TANC2: variants seen among roughly 807,000 people sequenced by gnomAD.
TANC2 encodes the protein tetratricopeptide repeat, ankyrin repeat and coiled-coil containing 2, also known as protein TANC2.
Under a neutral mutation model 210.5 loss-of-function variants are expected in TANC2, and 26 were observed. The ratio of observed to expected loss-of-function variants is 0.12; its 90% CI spans 0.09 to 0.17. The LOEUF is 0.17. Among genes scored for constraint, TANC2 ranks in the 10% least tolerant of loss-of-function variants. The pLI is 1.00. For missense variants in TANC2, 2,129 were observed against 2,608.9 expected, an observed-to-expected ratio of 0.82 and a Z score of 4.01; for synonymous variants, 931 against 967.1, an observed-to-expected ratio of 0.96 and a Z score of 0.69.
At chr17:63,214,482 T>C (rs560894487) in intron 7 of TANC2, among the ~76,000 whole-genome samples, 21 of 152,314 alleles carry the variant, frequency 1.4e-4, no homozygotes, top group Admixed American at 9.8e-4. Flanking sequence ...CAAATTATTT[T>C]AGCTTGGGTA....
At chr17:63,102,179 C>T (rs180839442) in intron 4 of TANC2, among the ~76,000 whole-genome samples, 94 of 152,094 alleles carry the variant, frequency 6.2e-4, no homozygotes, top group African/African-American at 2.1e-3. Flanking sequence ...CATGGCATGC[C>T]ACCCATATGT....
intron 5 of TANC2, among the ~76,000 whole-genome samples, chr17:63,165,103 C>T (rs1187962702): frequency 1.3e-5 from 2 of 151,746 alleles, no homozygotes. Flanking sequence ...GGCAACATAC[C>T]GAGACCCACC....
At chr17:63,164,585 T>C (rs1251791700) in intron 5 of TANC2, among the ~76,000 whole-genome samples, 1 of 152,128 alleles carries the variant, frequency 6.6e-6, no homozygotes, top group East Asian at 1.9e-4. Context: ...CAGGCAATTA[T>C]GAAGGCCATA....
chr17:63,084,235 G>A (rs1419956308), intron 3 of TANC2, among the ~76,000 whole-genome samples: 1 of 152,020 alleles, frequency 6.6e-6, no homozygotes, highest in African/African-American at 2.4e-5. Flanking sequence ...CAAGGAATTG[G>A]TCATTTTATC....
intron 4 of TANC2, among the ~76,000 whole-genome samples, chr17:63,123,683 C>CTTTT (rs957485298): frequency 7.2e-4 from 68 of 93,896 alleles, no homozygotes; most frequent in African/African-American, 1.3e-3. Context: ...TAGGTAAAAT[C>CTTTT]TTTTTTTTTT....
At chr17:63,132,860 T>G (rs1428219871) in intron 4 of TANC2, among the ~76,000 whole-genome samples, 1 of 152,188 alleles carries the variant, frequency 6.6e-6, no homozygotes, top group Non-Finnish European at 1.5e-5. Flanking sequence ...AATGCCTCAA[T>G]AGTCATTTTA....
rs1332629267 is a variant in TANC2, at chr17:62,966,586, G to A, written c.-187G>A. Among the ~76,000 whole-genome samples, 5 of 151,358 alleles carry A rather than the reference G, an allele frequency of 3.3e-5. No individual in the cohort carries two copies. The highest frequency in any genetic ancestry group is 2.1e-4 in the South Asian group (1 of 4,826). ...CGCGGGCTGCGCTCGCCGGCTGCGA[G>A]GCCCCGCCGCGCCGTTCCGGGGTGC... On this transcript the variant is annotated 5_prime_UTR_variant, in exon 1 of 28. Coordinates refer to ENST00000689528, the Ensembl canonical transcript of TANC2. The surrounding 1 kb of genome is among the most constrained non-coding windows in gnomAD (Gnocchi z 5.1).
intron 5 of TANC2, among the ~76,000 whole-genome samples, chr17:63,183,138 T>A (rs2040848661): frequency 6.6e-6 from 1 of 152,246 alleles, no homozygotes; most frequent in Non-Finnish European, 1.5e-5. Context: ...AATATACTCT[T>A]AGTTGAACCT....
At chr17:63,324,230 A>G (rs1429230760) in intron 11 of TANC2, among the ~76,000 whole-genome samples, 3 of 152,210 alleles carry the variant, frequency 2.0e-5, no homozygotes, top group African/African-American at 7.2e-5. Context: ...GAAAACAGCT[A>G]ATTTTAGGAA....
intron 2 of TANC2, among the ~76,000 whole-genome samples, chr17:63,027,595 A>G (rs2034605866): frequency 6.6e-6 from 1 of 152,082 alleles, no homozygotes; most frequent in Admixed American, 6.6e-5. Flanking sequence ...AGTCTATACC[A>G]TCTCATGGTC....
chr17:63,198,466 G>A (rs2041419422), intron 6 of TANC2, among the ~76,000 whole-genome samples: 1 of 152,132 alleles, frequency 6.6e-6, no homozygotes, highest in Non-Finnish European at 1.5e-5. Flanking sequence ...AAAGTGCTGG[G>A]ATTACAGACA....
intron 1 of TANC2, among the ~76,000 whole-genome samples, chr17:63,009,257 T>C (rs1290715954): frequency 6.6e-6 from 1 of 152,046 alleles, no homozygotes; most frequent in Non-Finnish European, 1.5e-5. Flanking sequence ...TTTTCTTTTT[T>C]CTTTTTAAAT....
At chr17:63,347,531 T>C (rs2046452366) in intron 12 of TANC2, among the ~76,000 whole-genome samples, 1 of 152,204 alleles carries the variant, frequency 6.6e-6, no homozygotes, top group Admixed American at 6.5e-5. Flanking sequence ...TAAAGGTAGC[T>C]GGAGTTTTTT....
At chr17:63,330,508 A>G (rs1201763176) in intron 11 of TANC2, among the ~76,000 whole-genome samples, 1 of 152,212 alleles carries the variant, frequency 6.6e-6, no homozygotes, top group Non-Finnish European at 1.5e-5. Flanking sequence ...GTGGGTTCCA[A>G]ATTCTTAAAG....
intron 2 of TANC2, among the ~76,000 whole-genome samples, chr17:63,035,754 A>G (rs913324073): frequency 2.6e-5 from 4 of 152,154 alleles, no homozygotes; most frequent in Non-Finnish European, 5.9e-5. Flanking sequence ...ATGTGGTAGT[A>G]TATGTTTAAC....
At chr17:63,263,374 C>T (rs1023638068) in intron 8 of TANC2, among the ~76,000 whole-genome samples, 4 of 152,114 alleles carry the variant, frequency 2.6e-5, no homozygotes, top group African/African-American at 9.7e-5. Context: ...CACATCCTGG[C>T]AATCTTTATG....
intron 11 of TANC2, among the ~76,000 whole-genome samples, chr17:63,328,550 C>T (rs1419108222): frequency 6.6e-6 from 1 of 151,798 alleles, no homozygotes; most frequent in Non-Finnish European, 1.5e-5. Context: ...ACAAATACTG[C>T]ATGATCTTTC....
At chr17:63,344,798 C>G (rs1324408074) in intron 12 of TANC2, among the ~76,000 whole-genome samples, 1 of 152,226 alleles carries the variant, frequency 6.6e-6, no homozygotes, top group Non-Finnish European at 1.5e-5. Context: ...GGTCCCCTCC[C>G]TTCATAACTG....
intron 6 of TANC2, among the ~76,000 whole-genome samples, chr17:63,199,743 C>A (rs1285657270): frequency 6.6e-6 from 1 of 152,022 alleles, no homozygotes. Context: ...TTAGGTAAAT[C>A]AGAATATATT....
Sources: gnomAD v4.1 joint callset for allele counts (sites outside exome capture counted in the v4.1 genomes callset) on GRCh38, gnomAD v4.1.1 for gene constraint, Gnocchi (gnomAD v3.1) non-coding constraint, MANE v1.5 for transcripts, NCBI Gene and HGNC (gene_info 2026-07-23, HGNC 2026-07-21) for gene names.